The following DOK6 variants were observed in gnomAD, a reference collection of about 807,000 sequenced individuals.
DOK6 encodes the protein downstream of tyrosine kinase 6.
In DOK6, 22 loss-of-function variants were observed where a neutral mutation model predicts 44.0. The ratio of observed to expected loss-of-function variants is 0.50; its 90% CI spans 0.36 to 0.71. DOK6 has a LOEUF of 0.71. Among genes scored for constraint, DOK6 ranks in the 30% least tolerant of loss-of-function variants. The pLI is 0.00. For missense variants in DOK6, 340 were observed against 416.4 expected, an observed-to-expected ratio of 0.82 and a Z score of 1.60; for synonymous variants, 166 against 145.5, an observed-to-expected ratio of 1.14 and a Z score of -1.01.
Position 69,701,344 on chromosome 18 carries a change from C to G in DOK6, c.599+2751C>G, listed in dbSNP as rs73453149. On this transcript the variant is annotated intron_variant, in intron 5 of 7. Transcript: ENST00000382713. ...GCAATTGCTCTTTTACCATAAGGAT[C>G]ATAACTTTGCATTTTAAAGGTAGAA... Among the ~76,000 whole-genome samples the G allele has an allele frequency of 4.8e-3, 738 of 152,316 alleles. 4 individuals are homozygous for G. Among genetic ancestry groups the G allele is most frequent in the African/African-American group, 0.016 (677 of 41,572 alleles).
intron 6 of DOK6, among the ~76,000 whole-genome samples, chr18:69,757,314 TA>T: frequency 6.6e-6 from 1 of 152,342 alleles, no homozygotes; most frequent in South Asian, 2.1e-4. Context: ...GGGTATTCTG[TA>T]AACCTTTCAT....
At chr18:69,803,241 G>T (rs1006255345) in intron 7 of DOK6, among the ~76,000 whole-genome samples, 2 of 151,918 alleles carry the variant, frequency 1.3e-5, no homozygotes, top group African/African-American at 4.8e-5. Context: ...ACGTAAATCT[G>T]GTAATTATAA....
intron 6 of DOK6, among the ~76,000 whole-genome samples, chr18:69,749,351 C>G (rs1410159023): frequency 6.6e-6 from 1 of 152,048 alleles, no homozygotes; most frequent in African/African-American, 2.4e-5. Flanking sequence ...TTCTGAGTGC[C>G]AGCTTTTAAA....
chr18:69,599,346 A>G lies in DOK6; in HGVS notation c.175-38A>G, dbSNP rs763155396. 7 of 1,478,074 alleles carry G rather than the reference A, an allele frequency of 4.7e-6. No homozygotes were observed. The East Asian group carries it at 6.9e-5, about 15-fold the overall frequency. 91.6% of individuals were successfully genotyped at this position (1,478,074 alleles called of 1,614,324 possible). On this transcript the variant is annotated intron_variant, in intron 2 of 7. Transcript: ENST00000382713. ...TTCAGCACTCCAACATACAGCATAC[A>G]TACTGTACACTAAGTTAAATATATT... is the stretch of plus-strand genomic sequence containing the variant.
intron 1 of DOK6, among the ~76,000 whole-genome samples, chr18:69,480,283 C>G (rs1358539602): frequency 6.6e-6 from 1 of 151,902 alleles, no homozygotes; most frequent in African/African-American, 2.4e-5. Context: ...GGGAAACTTC[C>G]TTTTTATTTC....
chr18:69,718,516 AGGCAGG>A (rs1202760398), intron 5 of DOK6, among the ~76,000 whole-genome samples: 1 of 152,250 alleles, frequency 6.6e-6, no homozygotes, highest in Non-Finnish European at 1.5e-5. Flanking sequence ...AGGAATTATG[AGGCAGG>A]GATTGGAAAT....
At chr18:69,404,458 C>T (rs1916160591) in intron 1 of DOK6, among the ~76,000 whole-genome samples, 1 of 152,204 alleles carries the variant, frequency 6.6e-6, no homozygotes, top group Non-Finnish European at 1.5e-5. Context: ...CATTAATAAT[C>T]TAACACTTTG....
In DOK6 at chr18:69,726,383, C is replaced by A. The variant is rs550742341; in HGVS notation, c.600-12582C>A. Among the ~76,000 whole-genome samples the A allele has an allele frequency of 1.7e-4, 26 of 152,258 alleles. 2 individuals carry two copies. In the South Asian group the frequency reaches 4.6e-3, roughly 27 times the overall value. ...ATCTTTTGTTTATTTGCTACTCTCT[C>A]AACTCATACCGTTCCTCCAGTTTCC... On this transcript the variant is annotated intron_variant, in intron 5 of 7. Coordinates refer to ENST00000382713, the MANE Select transcript of DOK6 (RefSeq NM_152721.6).
At chr18:69,758,202 G>T (rs1424971833) in intron 7 of DOK6, among the ~76,000 whole-genome samples, 1 of 152,186 alleles carries the variant, frequency 6.6e-6, no homozygotes, top group Non-Finnish European at 1.5e-5. Context: ...TTTTATGAAG[G>T]ATTTCTTTTT....
chr18:69,539,392 T>A (rs1982206904), intron 1 of DOK6, among the ~76,000 whole-genome samples: 1 of 152,076 alleles, frequency 6.6e-6, no homozygotes, highest in African/African-American at 2.4e-5. Flanking sequence ...TTTTTGTAGT[T>A]CTAGAGTTTT....
At chr18:69,582,612 T>C (rs1983397789) in intron 2 of DOK6, among the ~76,000 whole-genome samples, 1 of 152,198 alleles carries the variant, frequency 6.6e-6, no homozygotes, top group African/African-American at 2.4e-5. Flanking sequence ...TACTTAGCTA[T>C]CATCAGTGGT....
intron 7 of DOK6, among the ~76,000 whole-genome samples, chr18:69,758,991 A>C (rs1218630583): frequency 6.6e-6 from 1 of 152,234 alleles, no homozygotes; most frequent in African/African-American, 2.4e-5. Context: ...GATATGTTCT[A>C]CAAGGCAAAG....
At chr18:69,566,111 GTTTA>G (rs56218878) in intron 2 of DOK6, among the ~76,000 whole-genome samples, 29,195 of 149,874 alleles carry the variant, frequency 0.19, 3,183 homozygotes, top group Middle Eastern at 0.36. Context: ...GTACAGCTCG[GTTTA>G]TTTATTTATT....
intron 1 of DOK6, among the ~76,000 whole-genome samples, chr18:69,506,520 G>A (rs1981191025): frequency 6.6e-6 from 1 of 151,970 alleles, no homozygotes; most frequent in South Asian, 2.1e-4. Flanking sequence ...TTTCCAGTTT[G>A]GCTTCTTATA....
chr18:69,409,381 T>A (rs12968072), intron 1 of DOK6, among the ~76,000 whole-genome samples: 28,291 of 152,222 alleles, frequency 0.19, 3,020 homozygotes, highest in Non-Finnish European at 0.24. Context: ...AATATGGAAT[T>A]GCTTTTTTCT....
intron 3 of DOK6, among the ~76,000 whole-genome samples, chr18:69,638,488 C>T (rs1354347458): frequency 2.0e-5 from 3 of 148,994 alleles, no homozygotes; most frequent in South Asian, 2.1e-4. Context: ...TATACTTATT[C>T]TTTTTTTTTT....
chr18:69,501,573 G>C (rs772724797), intron 1 of DOK6, among the ~76,000 whole-genome samples: 5 of 152,060 alleles, frequency 3.3e-5, no homozygotes, highest in African/African-American at 9.7e-5. Context: ...TGTGGGTCAG[G>C]GGAGTGGTGT....
chr18:69,688,776 C>T (rs549278627), intron 4 of DOK6, among the ~76,000 whole-genome samples: 2 of 152,306 alleles, frequency 1.3e-5, no homozygotes, highest in East Asian at 3.9e-4. Flanking sequence ...CCCACCTCAA[C>T]CTCCCAAAGC....
intron 2 of DOK6, among the ~76,000 whole-genome samples, chr18:69,574,167 T>C (rs1236726450): frequency 2.0e-5 from 3 of 151,994 alleles, no homozygotes; most frequent in African/African-American, 7.2e-5. Context: ...CTATGTGTAG[T>C]GACAATGCAG....
Sources: gnomAD v4.1 joint callset for allele counts (sites outside exome capture counted in the v4.1 genomes callset) on GRCh38, gnomAD v4.1.1 for gene constraint, MANE v1.5 for transcripts, NCBI Gene and HGNC (gene_info 2026-07-23, HGNC 2026-07-21) for gene names.